Variants in GAD1 observed in about 807,000 individuals in gnomAD.
GAD1 encodes the protein 67 kDa glutamic acid decarboxylase.
Under a neutral mutation model 75.2 loss-of-function variants are expected in GAD1, and 35 were observed. That is an observed-to-expected ratio of 0.47 (90% CI 0.36 to 0.62). GAD1 has a LOEUF of 0.62. Ranked by LOEUF, GAD1 falls within the 20% of genes least tolerant of loss-of-function variation. The pLI, the probability that GAD1 is intolerant of heterozygous loss-of-function variation, is 0.00. For synonymous variants in GAD1, 257 were observed against 271.9 expected (o/e 0.95, Z 0.54); for missense variants, 490 against 758.5 (o/e 0.65, Z 4.16).
chr2:170,836,736 T>C, intron 5 of GAD1, 57 bp from the exon 6 acceptor site: 2 of 1,323,442 alleles, frequency 1.5e-6, no homozygotes, highest in Non-Finnish European at 2.2e-6. Flanking sequence ...GCCGTTTGCC[T>C]TCAAGATAGG....
intron 4 of GAD1, 80 bp downstream of exon 4, chr2:170,829,713 C>T: frequency 6.9e-7 from 1 of 1,458,032 alleles, no homozygotes; most frequent in Non-Finnish European, 9.5e-7. Flanking sequence ...TGCAATTTTA[C>T]TTCTTTTATC....
At position 170,831,065 on chromosome 2, in the gene GAD1, C is replaced by T. The variant is rs149709817; in HGVS notation, c.420C>T (p.Asp140=). The change falls in exon 5 of 17, where the codon GAC becomes GAT. Residue 140 remains aspartate, a synonymous_variant. Coordinates refer to ENST00000358196, the MANE Select transcript of GAD1 (RefSeq NM_000817.3). ...KTFDRSTKVL[D]FHHPHQLLEG... ...TTGATCGCTCCACCAAGGTGCTGGA[C>T]TTTCATCACCCACACCAGTTGCTGG... The T allele has an allele frequency of 5.6e-6, 9 of 1,614,222 alleles. No individual in the cohort carries two copies. The highest frequency in any genetic ancestry group is 2.7e-5 in the African/African-American group (2 of 75,056).
chr2:170,824,502 T>C (rs1173859783), intron 3 of GAD1, among the ~76,000 whole-genome samples: 1 of 151,958 alleles, frequency 6.6e-6, no homozygotes, highest in Non-Finnish European at 1.5e-5. Context: ...CCCTTTCACA[T>C]TAAGAGAGCA....
upstream of GAD1, among the ~76,000 whole-genome samples, chr2:170,814,010 G>C (rs1385554802): frequency 6.6e-6 from 1 of 152,134 alleles, no homozygotes; most frequent in Non-Finnish European, 1.5e-5. Context: ...TCCCTTCCGG[G>C]CCACCCCTCA....
At chr2:170,841,320 C>A (rs569535382) in intron 6 of GAD1, among the ~76,000 whole-genome samples, 17 of 152,280 alleles carry the variant, frequency 1.1e-4, no homozygotes, top group African/African-American at 4.1e-4. Flanking sequence ...TAGTTCTATA[C>A]AAAATGATGT....
intron 2 of GAD1, among the ~76,000 whole-genome samples, chr2:170,819,038 C>T (rs924855454): frequency 6.6e-6 from 1 of 152,130 alleles, no homozygotes; most frequent in African/African-American, 2.4e-5. Context: ...GGAGCCCCAG[C>T]AGGAATAAGA....
At chr2:170,847,591 T>C (rs1407520585) in intron 10 of GAD1, 85 bp from the exon 11 acceptor site, 17 of 926,146 alleles carry the variant, frequency 1.8e-5, no homozygotes, top group African/African-American at 4.9e-5. Context: ...TAGAAATAAA[T>C]GTTACACAAT....
intron 12 of GAD1, among the ~76,000 whole-genome samples, chr2:170,850,381 G>C: frequency 6.6e-6 from 1 of 152,222 alleles, no homozygotes; most frequent in Non-Finnish European, 1.5e-5. Flanking sequence ...CAGATACTGC[G>C]ATAAAGGGAG....
chr2:170,855,183 G>A (rs1659394531), intron 14 of GAD1, among the ~76,000 whole-genome samples: 3 of 146,868 alleles, frequency 2.0e-5, no homozygotes, highest in Admixed American at 1.3e-4. Flanking sequence ...TAGATTATTA[G>A]TTTTTTCCTC....
chr2:170,858,613 T>A (rs939150969), intron 15 of GAD1, among the ~76,000 whole-genome samples, 191 bp from the exon 16 acceptor site: 1 of 152,198 alleles, frequency 6.6e-6, no homozygotes, highest in African/African-American at 2.4e-5. Flanking sequence ...AGGGAACAGC[T>A]CTCTTGCCAC....
intron 5 of GAD1, among the ~76,000 whole-genome samples, chr2:170,835,720 G>T (rs930663692): frequency 1.3e-5 from 2 of 152,134 alleles, no homozygotes; most frequent in African/African-American, 4.8e-5. Context: ...AAAATGAAGT[G>T]TTATTGTTAA....
At chr2:170,836,272 G>A (rs757782980) in intron 5 of GAD1, among the ~76,000 whole-genome samples, 9 of 152,090 alleles carry the variant, frequency 5.9e-5, no homozygotes, top group East Asian at 1.9e-4. Flanking sequence ...TGAGTTTTCC[G>A]TTGAATGCTA....
chr2:170,830,860 C>A, intron 4 of GAD1, 90 bp from the exon 5 acceptor site: 1 of 1,530,082 alleles, frequency 6.5e-7, no homozygotes, highest in Non-Finnish European at 9.0e-7. Flanking sequence ...CAGGCCTATA[C>A]AGATAGCATG....
At chr2:170,831,594 ATGTGTGTG>A (rs370649454) in intron 5 of GAD1, among the ~76,000 whole-genome samples, 21 of 122,802 alleles carry the variant, frequency 1.7e-4, no homozygotes, top group South Asian at 5.6e-4. Flanking sequence ...GTCTCTACAT[ATGTGTGTG>A]TGTGTGTGTG....
At chr2:170,819,402 T>C (rs1473230540) in intron 2 of GAD1, among the ~76,000 whole-genome samples, 1 of 151,866 alleles carries the variant, frequency 6.6e-6, no homozygotes, top group African/African-American at 2.4e-5. Flanking sequence ...AGAGCACCTC[T>C]CTCCTTATCC....
chr2:170,842,705 C>T (rs1702543767), intron 6 of GAD1: 7 of 1,610,486 alleles, frequency 4.3e-6, no homozygotes, highest in Non-Finnish European at 5.9e-6. Flanking sequence ...TTCCAGGGGC[C>T]TCCCAAGGAA....
At chr2:170,833,984 C>G (rs1224621566) in intron 5 of GAD1, among the ~76,000 whole-genome samples, 1 of 149,864 alleles carries the variant, frequency 6.7e-6, no homozygotes, top group Non-Finnish European at 1.5e-5. Flanking sequence ...GCCTGGGTGA[C>G]AGCAGGACCC....
rs1702204520 is a variant in GAD1 at position 170,830,939 on chromosome 2, C to T, written c.305-11C>T. 1 of 1,614,048 alleles carries T rather than the reference C, an allele frequency of 6.2e-7. No individual in the cohort carries two copies. The highest frequency in any genetic ancestry group is 1.1e-5 in the South Asian group (1 of 91,066). On this transcript the variant is annotated splice_polypyrimidine_tract_variant and intron_variant, in intron 4 of 16. Coordinates refer to ENST00000358196, the MANE Select transcript of GAD1 (RefSeq NM_000817.3). Reference sequence around the variant, plus strand: ...TCAGGTGAAAACCATTCATTGCTCTCCCCAATTCAGATCTGCTTCCGGCTA... The same window carrying T: ...TCAGGTGAAAACCATTCATTGCTCTTCCCAATTCAGATCTGCTTCCGGCTA...
rs1410713993 is a variant in GAD1, at chr2:170,857,118, A to G, written c.1514A>G (p.Asn505Ser). Residue 505 changes from asparagine (N) to serine (S), a missense_variant, in exon 15 of 17, where the codon AAT (asparagine) becomes AGT (serine). Asn to Ser is a conservative substitution (Grantham distance 46). Coordinates refer to ENST00000358196, the MANE Select transcript of GAD1 (RefSeq NM_000817.3). ...AGAGAAGAATTTGAGATGGTTTTCA[A>G]TGGCGAGGTAGGTAATCATCATGGA... Reference protein sequence around the residue: ...KNREEFEMVFNGEPEHTNVCF... With the variant: ...KNREEFEMVFSGEPEHTNVCF... The G allele has an allele frequency of 1.9e-6, 3 of 1,612,558 alleles. No homozygotes were observed. Among genetic ancestry groups the G allele is most frequent in the Admixed American group, 1.7e-5 (1 of 60,024 alleles).
Sources: allele counts gnomAD v4.1 joint callset (sites outside exome capture counted in the v4.1 genomes callset), GRCh38; gene constraint gnomAD v4.1.1; transcripts MANE v1.5; gene names NCBI Gene and HGNC (gene_info 2026-07-23, HGNC 2026-07-21).